Variants in UTP23 observed in about 807,000 individuals in gnomAD.
UTP23 encodes UTP23 small subunit processome component, also known as rRNA-processing protein UTP23 homolog.
UTP23 carries 10 observed loss-of-function variants against 19.8 expected under a neutral mutation model. The observed-to-expected ratio is 0.50, with a 90% CI of 0.31 to 0.86. The LOEUF (loss-of-function observed/expected upper bound fraction) is 0.86, where lower values mean the gene tolerates loss of function less well. Ranked by LOEUF, UTP23 falls within the 40% of genes least tolerant of loss-of-function variation. The pLI is 0.05. For synonymous variants in UTP23, 108 were observed against 105.4 expected (o/e 1.02, Z -0.15); for missense variants, 282 against 293.1 (o/e 0.96, Z 0.28).
rs773221209 is a variant in UTP23, at chr8:116,766,760, C to G, written c.157C>G (p.Leu53Val). The G allele has an allele frequency of 3.2e-6, 5 of 1,587,188 alleles. No individual in the cohort carries two copies. The African/African-American group carries it at 6.7e-5, about 21-fold the overall frequency. Reference protein sequence around the residue: ...IQLREQLPRYLMGETQLCTTR... With the variant: ...IQLREQLPRYVMGETQLCTTR... ...GCTGCGGGAGCAGCTGCCCCGCTAC[C>G]TCATGGGGGAGACGCAGCTGTGCAC... The change falls in exon 1 of 3, where the codon CTC (leucine) becomes GTC (valine). Residue 53 changes from leucine (L) to valine (V), a missense_variant. Physicochemically the swap from Leu to Val is conservative, Grantham distance 32. Transcript: ENST00000309822.
chr8:116,770,561 A>G, intron 2 of UTP23, 195 bp downstream of exon 2: 1 of 506,366 alleles, frequency 2.0e-6, no homozygotes, highest in African/African-American at 1.9e-5. Context: ...TATTCTTTTT[A>G]GTAGTGGAAG....
At chr8:116,770,057 CTT>C (rs1024747846) in intron 1 of UTP23, 133 bp from the exon 2 acceptor site, 1 of 831,458 alleles carries the variant, frequency 1.2e-6, no homozygotes. Flanking sequence ...TTCAAGTGAT[CTT>C]TTAAAGTAAA....
Position 116,766,754 on chromosome 8 carries a change from C to A in UTP23, c.151C>A (p.Arg51Ser). 6.3e-7 allele frequency: 1 copy of A among 1,593,112 alleles called. No homozygotes were observed. ...CATCCAGCTGCGGGAGCAGCTGCCC[C>A]GCTACCTCATGGGGGAGACGCAGCT... ...GRIQLREQLP[R>S]YLMGETQLCT... is the part of the protein sequence containing the mutation. Residue 51 changes from arginine to serine, a missense_variant, in exon 1 of 3, where the codon CGC (arginine) becomes AGC (serine). Arg to Ser is a moderately radical substitution (Grantham distance 110). Transcript: ENST00000309822.
At chr8:116,766,943 C>T in intron 1 of UTP23, 152 bp downstream of exon 1, 1 of 724,998 alleles carries the variant, frequency 1.4e-6, no homozygotes, top group Non-Finnish European at 2.2e-6. Context: ...TGAAGGTGGT[C>T]AGGCGAATAC....
chr8:116,771,895 C>CT lies in UTP23; in HGVS notation c.*54dup. On this transcript the variant is annotated 3_prime_UTR_variant, in exon 3 of 3. Transcript: ENST00000309822. ...AAATGTGAAAATGAATTTTTTACAA[C>CT]TAGAAGTATTTATAATAAAAGACCA... 6.7e-7 allele frequency: 1 copy of CT among 1,490,760 alleles called. No individual in the cohort carries two copies. Among genetic ancestry groups the CT allele is most frequent in the Non-Finnish European group, 8.9e-7 (1 of 1,129,698 alleles). The allele number at this position is 1,490,760 out of a possible 1,614,324, so 92.3% of individuals were successfully genotyped here.
chr8:116,771,260 T>A (rs1320420881), intron 2 of UTP23, among the ~76,000 whole-genome samples, 196 bp from the exon 3 acceptor site: 2 of 152,220 alleles, frequency 1.3e-5, no homozygotes, highest in African/African-American at 4.8e-5. Flanking sequence ...CAGCTGCTAC[T>A]AACACTGTGC....
At position 116,766,753 on chromosome 8, in the gene UTP23, C is replaced by T. The variant is rs1439295964; in HGVS notation, c.150C>T (p.Pro50=). ...RGRIQLREQL[P]RYLMGETQLC... is the part of the protein sequence containing the mutation. ...GCATCCAGCTGCGGGAGCAGCTGCC[C>T]CGCTACCTCATGGGGGAGACGCAGC... is the stretch of plus-strand genomic sequence containing the variant. Residue 50 remains proline (P), a synonymous_variant, in exon 1 of 3, where the codon CCC becomes CCT. Coordinates refer to ENST00000309822, the MANE Select transcript of UTP23 (RefSeq NM_032334.3). 6.3e-7 allele frequency: 1 copy of T among 1,593,864 alleles called. No homozygotes were observed. The highest frequency in any genetic ancestry group is 8.5e-7 in the Non-Finnish European group (1 of 1,170,034).
At chr8:116,767,938 G>A (rs1382625062) in intron 1 of UTP23, among the ~76,000 whole-genome samples, 1 of 152,062 alleles carries the variant, frequency 6.6e-6, no homozygotes, top group African/African-American at 2.4e-5. Context: ...GGACTTTTAA[G>A]CCAGGCAAGG....
At chr8:116,769,126 A>G (rs982255465) in intron 1 of UTP23, among the ~76,000 whole-genome samples, 5 of 152,198 alleles carry the variant, frequency 3.3e-5, no homozygotes, top group Admixed American at 6.5e-5. Flanking sequence ...TGTGGAGTTA[A>G]TTGATGAAGT....
intron 1 of UTP23, among the ~76,000 whole-genome samples, chr8:116,769,400 T>C (rs1004021088): frequency 1.3e-5 from 2 of 152,146 alleles, no homozygotes; most frequent in Admixed American, 1.3e-4. Flanking sequence ...AGGTCAAATG[T>C]GATTTCTGAT....
chr8:116,770,402 C>T (rs1385299748), intron 2 of UTP23, 36 bp downstream of exon 2: 1 of 1,564,492 alleles, frequency 6.4e-7, no homozygotes, highest in Admixed American at 1.7e-5. Context: ...CAATTTTCAC[C>T]ATTTCTATTT....
chr8:116,772,793 A>G lies in UTP23; in HGVS notation c.*951A>G, dbSNP rs185763558. On this transcript the variant is annotated 3_prime_UTR_variant, in exon 3 of 3. Transcript: ENST00000309822. The stretch of plus-strand genomic sequence containing the variant: ...GGGTCAATTCAGTTAGGAATTGAAT[A>G]ATGAAACGTGTCTCTCTGAATTCCC... 28 of 985,360 alleles carry G rather than the reference A, an allele frequency of 2.8e-5. No individual in the cohort carries two copies. The African/African-American group carries it at 4.9e-4, about 17-fold the overall frequency. 61.0% of individuals were successfully genotyped at this position (985,360 alleles called of 1,614,324 possible).
rs954168090 is a variant in UTP23 at position 116,773,851 on chromosome 8, A to G, written c.*2009A>G. The G allele has an allele frequency of 2.5e-6, 2 of 809,856 alleles. No homozygotes were observed. The highest frequency in any genetic ancestry group is 3.7e-5 in the African/African-American group (2 of 53,608). The allele number at this position is 809,856 out of a possible 1,614,324, so 50.2% of individuals were successfully genotyped here. Reference sequence around the variant, plus strand: ...TAAGTTTACTATTTTAAAACTGGTTAATCATTTATGTATTTTGCCAGTAAA... The same window carrying G: ...TAAGTTTACTATTTTAAAACTGGTTGATCATTTATGTATTTTGCCAGTAAA... On this transcript the variant is annotated 3_prime_UTR_variant, in exon 3 of 3. Transcript: ENST00000309822.
Position 116,772,670 on chromosome 8 carries a change from A to G in UTP23, c.*828A>G, listed in dbSNP as rs565540193. 2.9e-5 allele frequency: 29 copies of G among 985,044 alleles called. 1 individual carries two copies. In the African/African-American group the frequency reaches 4.5e-4, roughly 15 times the overall value. The allele number at this position is 985,044 out of a possible 1,614,324, so 61.0% of individuals were successfully genotyped here. On this transcript the variant is annotated 3_prime_UTR_variant, in exon 3 of 3. Coordinates refer to ENST00000309822, the MANE Select transcript of UTP23 (RefSeq NM_032334.3). Reference sequence around the variant, plus strand: ...GATGATGATTTTCTTTTAGATGTAAATGTTAACTTCAATAGCAAGAATTCA... The same window carrying G: ...GATGATGATTTTCTTTTAGATGTAAGTGTTAACTTCAATAGCAAGAATTCA...
intron 1 of UTP23, 84 bp from the exon 2 acceptor site, chr8:116,770,108 T>G: frequency 7.5e-7 from 1 of 1,335,676 alleles, no homozygotes; most frequent in Non-Finnish European, 1.0e-6. Flanking sequence ...AACAGCATAG[T>G]TTTATTTTAA....
chr8:116,773,265 T>A lies in UTP23; in HGVS notation c.*1423T>A. 1.0e-6 allele frequency: 1 copy of A among 985,388 alleles called. No homozygotes were observed. Among genetic ancestry groups the A allele is most frequent in the Non-Finnish European group, 1.2e-6 (1 of 829,932 alleles). The allele number at this position is 985,388 out of a possible 1,614,324, so 61.0% of individuals were successfully genotyped here. ...AATAGTGTAGGTTTTGTGAGGAAAG[T>A]TAACATTTGTCAATGACAAGCATTA... On this transcript the variant is annotated 3_prime_UTR_variant, in exon 3 of 3. Coordinates refer to ENST00000309822, the MANE Select transcript of UTP23 (RefSeq NM_032334.3).
At position 116,773,532 on chromosome 8, in the gene UTP23, C is replaced by T; in HGVS notation, c.*1690C>T. On this transcript the variant is annotated 3_prime_UTR_variant, in exon 3 of 3. Transcript: ENST00000309822. ...TGTATTAGTAAGTTTAATATTTTGACAGGGCATGGTGGCTCACACCTGTAA... is the reference window on the plus strand; with the variant it reads ...TGTATTAGTAAGTTTAATATTTTGATAGGGCATGGTGGCTCACACCTGTAA... 1.0e-6 allele frequency: 1 copy of T among 980,008 alleles called. No homozygotes were observed. The highest frequency in any genetic ancestry group is 1.2e-6 in the Non-Finnish European group (1 of 825,060). 60.7% of individuals were successfully genotyped at this position (980,008 alleles called of 1,614,324 possible). A position where few individuals can be genotyped will look rare whatever the true frequency, so the allele number is the denominator to read the frequency against.
rs114745053 is a variant in UTP23 at position 116,766,830 on chromosome 8, G to T, written c.188+39G>T. The T allele has an allele frequency of 1.1e-3, 1,575 of 1,473,274 alleles. 14 individuals carry two copies. The African/African-American group carries it at 0.02, about 19-fold the overall frequency. 91.3% of individuals were successfully genotyped at this position (1,473,274 alleles called of 1,614,324 possible). Reference sequence around the variant, plus strand: ...GCTGGGGAGGAGGCACAGAGGGTCCGTCGGGTGTTGTAGAGGCGAGGCCGT... The same window carrying T: ...GCTGGGGAGGAGGCACAGAGGGTCCTTCGGGTGTTGTAGAGGCGAGGCCGT... On this transcript the variant is annotated intron_variant, in intron 1 of 2. Coordinates refer to ENST00000309822, the MANE Select transcript of UTP23 (RefSeq NM_032334.3).
chr8:116,770,057 CT>C, intron 1 of UTP23, 134 bp from the exon 2 acceptor site: 1 of 831,576 alleles, frequency 1.2e-6, no homozygotes, highest in Non-Finnish European at 1.8e-6. Flanking sequence ...TTCAAGTGAT[CT>C]TTTAAAGTAA....
Sources: allele counts gnomAD v4.1 joint callset (sites outside exome capture counted in the v4.1 genomes callset), GRCh38; gene constraint gnomAD v4.1.1; transcripts MANE v1.5; gene names NCBI Gene and HGNC (gene_info 2026-07-23, HGNC 2026-07-21).